The following CALCR variants were observed in gnomAD, a reference collection of about 807,000 sequenced individuals.
CALCR encodes the protein calcitonin receptor.
A neutral mutation model predicts 59.5 loss-of-function variants in CALCR; 47 were observed. The ratio of observed to expected loss-of-function variants is 0.79; its 90% confidence interval spans 0.63 to 1.01. The LOEUF (loss-of-function observed/expected upper bound fraction) is 1.01. CALCR is among the 50% of genes least tolerant of loss of function. CALCR has a pLI of 0.00. For synonymous variants in CALCR, 213 were observed against 211.3 expected, an observed-to-expected ratio of 1.01 and a Z score of -0.07; for missense variants, 566 against 597.1, an observed-to-expected ratio of 0.95 and a Z score of 0.54.
At chr7:93,519,800 T>C (rs996027455) in intron 2 of CALCR, among the ~76,000 whole-genome samples, 10 of 151,942 alleles carry the variant, frequency 6.6e-5, no homozygotes, top group Non-Finnish European at 1.5e-5. Flanking sequence ...GATGGTTAAA[T>C]AGCAGTTCCC....
At chr7:93,563,456 C>T (rs1304798068) in intron 2 of CALCR, among the ~76,000 whole-genome samples, 2 of 152,034 alleles carry the variant, frequency 1.3e-5, no homozygotes, top group Admixed American at 6.6e-5. Context: ...GTAGAAATCA[C>T]ACCTTTAAAA....
chr7:93,427,693 A>G (rs1799559687), intron 13 of CALCR, among the ~76,000 whole-genome samples: 1 of 152,202 alleles, frequency 6.6e-6, no homozygotes, highest in African/African-American at 2.4e-5. Flanking sequence ...AAAACTGATT[A>G]ATGTTATAAA....
intron 2 of CALCR, among the ~76,000 whole-genome samples, chr7:93,524,385 T>C (rs1172676140): frequency 6.6e-6 from 1 of 152,054 alleles, no homozygotes; most frequent in African/African-American, 2.4e-5. Context: ...TTAGCCAGGA[T>C]GGTCTTGATC....
intron 6 of CALCR, among the ~76,000 whole-genome samples, chr7:93,470,081 T>C (rs1357207824): frequency 6.6e-6 from 1 of 151,814 alleles, no homozygotes; most frequent in South Asian, 2.1e-4. Flanking sequence ...AAGTTGTGCC[T>C]GTTGCATCAT....
chr7:93,427,804 G>T lies in CALCR; in HGVS notation c.1192-1215C>A, dbSNP rs144127151. Among the ~76,000 whole-genome samples, 9 of 151,810 alleles carry T rather than the reference G, an allele frequency of 5.9e-5. No homozygotes were observed. The East Asian group carries it at 1.7e-3, about 29-fold the overall frequency. On this transcript the variant is annotated intron_variant, in intron 13 of 13. Coordinates refer to ENST00000426151, the MANE Select transcript of CALCR (RefSeq NM_001742.4). ...ATCTCCTCTGAGAATAATTAGTATT[G>T]TTCATATATTTTTAAAGATTTTACT...
chr7:93,461,869 A>C (rs754109326), intron 7 of CALCR, among the ~76,000 whole-genome samples: 5 of 152,152 alleles, frequency 3.3e-5, no homozygotes, highest in Non-Finnish European at 7.4e-5. Flanking sequence ...TGAAAATCTT[A>C]TATTTATCAT....
At chr7:93,564,609 C>G (rs1397582027) in intron 2 of CALCR, among the ~76,000 whole-genome samples, 1 of 152,046 alleles carries the variant, frequency 6.6e-6, no homozygotes, top group African/African-American at 2.4e-5. Context: ...CACACCACTA[C>G]CCTCAGCTAA....
At chr7:93,499,059 A>G (rs746924592) in intron 2 of CALCR, among the ~76,000 whole-genome samples, 9 of 151,702 alleles carry the variant, frequency 5.9e-5, no homozygotes, top group Non-Finnish European at 1.3e-4. Flanking sequence ...TTCATTACTT[A>G]TAAAATTAGA....
chr7:93,567,211 A>G (rs1402302076), intron 2 of CALCR, among the ~76,000 whole-genome samples: 2 of 152,252 alleles, frequency 1.3e-5, no homozygotes, highest in East Asian at 1.9e-4. Flanking sequence ...AGGAAGTACT[A>G]CAGATGAATA....
At chr7:93,484,959 T>C (rs1800908228) in intron 3 of CALCR, among the ~76,000 whole-genome samples, 2 of 151,696 alleles carry the variant, frequency 1.3e-5, no homozygotes, top group Admixed American at 6.6e-5. Context: ...AAACTGAGAC[T>C]TTAAAACCTA....
intron 2 of CALCR, among the ~76,000 whole-genome samples, chr7:93,492,309 T>A (rs1801099070): frequency 6.6e-6 from 1 of 150,810 alleles, no homozygotes; most frequent in African/African-American, 2.4e-5. Context: ...TTTTATTTTT[T>A]AAAAAGAAAA....
At chr7:93,491,075 C>A (rs547379835) in intron 2 of CALCR, among the ~76,000 whole-genome samples, 1 of 152,132 alleles carries the variant, frequency 6.6e-6, no homozygotes, top group African/African-American at 2.4e-5. Context: ...ACCAATGGAA[C>A]AGAACAGAGA....
intron 2 of CALCR, among the ~76,000 whole-genome samples, chr7:93,514,951 A>G (rs974356861): frequency 6.6e-6 from 1 of 151,958 alleles, no homozygotes; most frequent in Non-Finnish European, 1.5e-5. Context: ...GCAACTTGAA[A>G]CTGTACCACT....
chr7:93,464,929 T>G (rs956597042), intron 7 of CALCR, among the ~76,000 whole-genome samples: 1 of 151,966 alleles, frequency 6.6e-6, no homozygotes, highest in African/African-American at 2.4e-5. Context: ...CAATCAGTCT[T>G]CCCTCAGTAT....
At chr7:93,428,620 G>C (rs1799581796) in intron 13 of CALCR, among the ~76,000 whole-genome samples, 1 of 152,114 alleles carries the variant, frequency 6.6e-6, no homozygotes, top group African/African-American at 2.4e-5. Flanking sequence ...CTAACACGGT[G>C]AAACCCTGTC....
At chr7:93,539,130 C>T (rs559382631) in intron 2 of CALCR, among the ~76,000 whole-genome samples, 1 of 152,198 alleles carries the variant, frequency 6.6e-6, no homozygotes, top group South Asian at 2.1e-4. Flanking sequence ...TTTATTCTCA[C>T]TCTCCTTCTT....
rs754317267 is a variant in CALCR, at chr7:93,548,839, A to AGTGTGTGTGTGTGT, written c.-27+25436_-27+25449dup. 1.1e-3 allele frequency among the ~76,000 whole-genome samples: 150 copies of AGTGTGTGTGTGTGT among 137,436 alleles called. 3 individuals are homozygous for AGTGTGTGTGTGTGT. In the East Asian group the frequency reaches 0.017, roughly 16 times the overall value. 90.2% of individuals were successfully genotyped at this position (137,436 alleles called of 152,430 possible). On this transcript the variant is annotated intron_variant, in intron 2 of 13. Transcript: ENST00000426151. The stretch of plus-strand genomic sequence containing the variant: ...AATTGCAATAATTCAATCCAGAAGA[A>AGTGTGTGTGTGTGT]GTGTGTGTGTGTGTGTGTGTGTGTG...
At chr7:93,487,601 T>A in intron 2 of CALCR, among the ~76,000 whole-genome samples, 1 of 151,498 alleles carries the variant, frequency 6.6e-6, no homozygotes, top group East Asian at 1.9e-4. Context: ...AAGAGCATAA[T>A]CATCCAAACA....
intron 2 of CALCR, among the ~76,000 whole-genome samples, chr7:93,527,461 T>G (rs911996250): frequency 1.3e-5 from 2 of 152,136 alleles, no homozygotes; most frequent in African/African-American, 2.4e-5. Context: ...TTCCGTACTA[T>G]AATTGCTACA....
Sources: allele counts gnomAD v4.1 joint callset (sites outside exome capture counted in the v4.1 genomes callset), GRCh38; gene constraint gnomAD v4.1.1; transcripts MANE v1.5; gene names NCBI Gene and HGNC (gene_info 2026-07-23, HGNC 2026-07-21).